SNAP23: variants seen among roughly 807,000 people sequenced by gnomAD.
The protein encoded by SNAP23 is synaptosome associated protein 23.
SNAP23 carries 11 observed loss-of-function variants against 29.0 expected under a neutral mutation model. That is an observed-to-expected ratio of 0.38 (90% CI 0.24 to 0.63). The LOEUF (loss-of-function observed/expected upper bound fraction) is 0.63, where lower values mean the gene tolerates loss of function less well. Among genes scored for constraint, SNAP23 ranks in the 20% least tolerant of loss-of-function variants. The pLI is 0.58. For synonymous variants in SNAP23, 60 were observed against 82.9 expected (o/e 0.72, Z 1.50); for missense variants, 220 against 253.9 (o/e 0.87, Z 0.91).
At chr15:42,497,383 A>G (rs1246157118) in intron 1 of SNAP23, among the ~76,000 whole-genome samples, 2 of 151,464 alleles carry the variant, frequency 1.3e-5, no homozygotes, top group East Asian at 1.9e-4. Context: ...TAATTTTTGT[A>G]TTTTTAGTAG....
Position 42,510,851 on chromosome 15 carries a change from A to G in SNAP23, c.-14-982A>G, listed in dbSNP as rs112955493. On this transcript the variant is annotated intron_variant, in intron 1 of 7. Coordinates refer to ENST00000249647, the MANE Select transcript of SNAP23 (RefSeq NM_003825.4). The stretch of plus-strand genomic sequence containing the variant: ...GATGTTAAGCAGTTTCCCTGCCTCT[A>G]CCTACTAGATGCCATTAACCAGCCC... Among the ~76,000 whole-genome samples, 380 of 152,126 alleles carry G rather than the reference A, an allele frequency of 2.5e-3. 3 individuals carry two copies. The highest frequency in any genetic ancestry group is 8.5e-3 in the African/African-American group (354 of 41,498).
At chr15:42,520,378 T>G (rs1233493604) in intron 5 of SNAP23, among the ~76,000 whole-genome samples, 1 of 151,850 alleles carries the variant, frequency 6.6e-6, no homozygotes, top group Non-Finnish European at 1.5e-5. Context: ...TCACATATCT[T>G]AGGCAGTAAT....
At chr15:42,504,779 C>G (rs2057304194) in intron 1 of SNAP23, among the ~76,000 whole-genome samples, 1 of 152,172 alleles carries the variant, frequency 6.6e-6, no homozygotes. Context: ...CATTGTGAGG[C>G]TGGAATTTAT....
chr15:42,504,221 A>G (rs543964991), intron 1 of SNAP23, among the ~76,000 whole-genome samples: 6 of 152,172 alleles, frequency 3.9e-5, no homozygotes, highest in Admixed American at 1.3e-4. Flanking sequence ...GGGCACCTGT[A>G]ATCCCAGCTA....
upstream of SNAP23, among the ~76,000 whole-genome samples, chr15:42,493,445 T>A (rs1266758202): frequency 6.6e-6 from 1 of 151,956 alleles, no homozygotes; most frequent in Non-Finnish European, 1.5e-5. Flanking sequence ...CACCCCCGTT[T>A]CCCTGTCATC....
chr15:42,528,798 C>T (rs1047370133), intron 6 of SNAP23, among the ~76,000 whole-genome samples: 2 of 152,118 alleles, frequency 1.3e-5, no homozygotes, highest in Non-Finnish European at 2.9e-5. Context: ...GTTGACCAGG[C>T]TGGTCTTGGA....
chr15:42,498,804 C>T (rs750958042), intron 1 of SNAP23, among the ~76,000 whole-genome samples: 2 of 152,168 alleles, frequency 1.3e-5, no homozygotes, highest in Non-Finnish European at 2.9e-5. Context: ...CATTGCCATA[C>T]TCCTTTGACA....
At chr15:42,521,413 G>A (rs984949602) in intron 5 of SNAP23, 1 of 966,854 alleles carries the variant, frequency 1.0e-6, no homozygotes, top group African/African-American at 1.8e-5. Flanking sequence ...ATGTGCTCTG[G>A]TTTAAATAGT....
chr15:42,515,032 C>T (rs1457172442), intron 4 of SNAP23, among the ~76,000 whole-genome samples: 1 of 152,176 alleles, frequency 6.6e-6, no homozygotes, highest in African/African-American at 2.4e-5. Context: ...AATTTTTCCA[C>T]AGCAAGAGGC....
At chr15:42,512,128 T>C in intron 2 of SNAP23, 1 of 301,554 alleles carries the variant, frequency 3.3e-6, no homozygotes, top group Non-Finnish European at 6.1e-6. Context: ...ATTATTAATA[T>C]TACTTAAGTG....
At chr15:42,530,392 T>G (rs1472191691) in intron 7 of SNAP23, among the ~76,000 whole-genome samples, 1 of 152,226 alleles carries the variant, frequency 6.6e-6, no homozygotes, top group Non-Finnish European at 1.5e-5. Flanking sequence ...ATTCTTTTTT[T>G]TCCCCCTTAA....
Position 42,528,354 on chromosome 15 carries a change from G to A in SNAP23, c.359G>A (p.Gly120Asp). 6.2e-7 allele frequency: 1 copy of A among 1,614,096 alleles called. No individual in the cohort carries two copies. The highest frequency in any genetic ancestry group is 2.2e-5 in the East Asian group (1 of 44,880). ...TGCAATGTAGTATCTAAACAGCCAGGCCCGGTGACAAATGGTCAGCTTCAG... is the reference window on the plus strand; with the variant it reads ...TGCAATGTAGTATCTAAACAGCCAGACCCGGTGACAAATGGTCAGCTTCAG... ...SPCNVVSKQP[G>D]PVTNGQLQQP... The change falls in exon 6 of 8, where the codon GGC becomes GAC. Residue 120 changes from glycine (G) to aspartate (D), a missense_variant. By Grantham distance (94) the Gly-to-Asp change is moderately conservative. Coordinates refer to ENST00000249647, the MANE Select transcript of SNAP23 (RefSeq NM_003825.4).
chr15:42,522,241 A>G (rs1187539650), intron 5 of SNAP23: 2 of 152,232 alleles, frequency 1.3e-5, no homozygotes, highest in African/African-American at 4.8e-5. Flanking sequence ...GGTGGGATAT[A>G]AAATTTTAAA....
chr15:42,528,371 C>G lies in SNAP23; in HGVS notation c.376C>G (p.Gln126Glu). The G allele has an allele frequency of 6.2e-7, 1 of 1,614,130 alleles. No individual in the cohort carries two copies. Among genetic ancestry groups the G allele is most frequent in the African/African-American group, 1.3e-5 (1 of 75,028 alleles). Residue 126 changes from glutamine to glutamate, a missense_variant, in exon 6 of 8, where the codon CAG becomes GAG. Physicochemically the swap from Gln to Glu is conservative, Grantham distance 29. Coordinates refer to ENST00000249647, the MANE Select transcript of SNAP23 (RefSeq NM_003825.4). Reference sequence around the variant, plus strand: ...ACAGCCAGGCCCGGTGACAAATGGTCAGCTTCAGCAACCAACAACGGGAGC... The same window carrying G: ...ACAGCCAGGCCCGGTGACAAATGGTGAGCTTCAGCAACCAACAACGGGAGC... ...SKQPGPVTNG[Q>E]LQQPTTGAAS...
upstream of SNAP23, chr15:42,492,664 G>A (rs1239200008): frequency 6.9e-5 from 8 of 116,700 alleles, no homozygotes; most frequent in Admixed American, 1.1e-4. Context: ...GCGACAGAGC[G>A]AGACTGCGTC....
intron 5 of SNAP23, among the ~76,000 whole-genome samples, chr15:42,517,777 C>G (rs1364953047): frequency 6.6e-6 from 1 of 152,134 alleles, no homozygotes; most frequent in African/African-American, 2.4e-5. Flanking sequence ...GTGGTGCCAC[C>G]ATAGCTCACT....
At chr15:42,527,410 A>G (rs2057514008) in intron 5 of SNAP23, among the ~76,000 whole-genome samples, 1 of 151,418 alleles carries the variant, frequency 6.6e-6, no homozygotes, top group African/African-American at 2.4e-5. Flanking sequence ...ATTTAAGATT[A>G]GGTCTCACTC....
chr15:42,493,348 C>CTA (rs1466047643), upstream of SNAP23, among the ~76,000 whole-genome samples: 39 of 151,494 alleles, frequency 2.6e-4, 1 homozygote, highest in East Asian at 2.1e-3. Context: ...CTCTCTCTCT[C>CTA]TCTCTCTATA....
intron 2 of SNAP23, 62 bp downstream of exon 2, chr15:42,511,965 G>T: frequency 8.6e-7 from 1 of 1,164,242 alleles, no homozygotes; most frequent in South Asian, 1.5e-5. Context: ...GGAGGAGTGA[G>T]AGAGCCTTCT....
Sources: allele counts gnomAD v4.1 joint callset (sites outside exome capture counted in the v4.1 genomes callset), GRCh38; gene constraint gnomAD v4.1.1; transcripts MANE v1.5; gene names NCBI Gene and HGNC (gene_info 2026-07-23, HGNC 2026-07-21).